Variants in GDF1 observed in about 807,000 individuals in gnomAD.
The protein encoded by GDF1 is embryonic growth/differentiation factor 1.
A neutral mutation model predicts 7.4 loss-of-function variants in GDF1; 8 were observed. The ratio of observed to expected loss-of-function variants is 1.09; its 90% CI spans 0.64 to 1.96. GDF1 has a LOEUF of 1.96. Ranked by LOEUF, GDF1 falls within the 30% of genes most tolerant of loss-of-function variation. GDF1 has a pLI of 0.00. For synonymous variants in GDF1, 311 were observed against 276.7 expected (o/e 1.12, Z -1.23); for missense variants, 574 against 551.5 (o/e 1.04, Z -0.41).
intron 2 of GDF1, among the ~76,000 whole-genome samples, chr19:18,889,778 T>TGCCACCCCTGCCTTGTC (rs1367166844): frequency 6.6e-6 from 1 of 152,078 alleles, no homozygotes; most frequent in Non-Finnish European, 1.5e-5. Flanking sequence ...GGACACTCAA[T>TGCCACCCCTGCCTTGTC]GCCACCCCTG....
chr19:18,871,291 A>G (rs1458085071), intron 6 of GDF1, among the ~76,000 whole-genome samples: 2 of 147,802 alleles, frequency 1.4e-5, no homozygotes, highest in East Asian at 4.0e-4. Context: ...TGGTGGCACA[A>G]TCTCAGCTCA....
At chr19:18,890,995 G>A (rs574111665) in intron 2 of GDF1, among the ~76,000 whole-genome samples, 1 of 151,866 alleles carries the variant, frequency 6.6e-6, no homozygotes, top group Non-Finnish European at 1.5e-5. Flanking sequence ...GTGGTGGCGC[G>A]TGCCTATAAT....
In GDF1 at chr19:18,870,706, A is replaced by C. The variant is rs2145990692; in HGVS notation, c.-312-87T>G. On this transcript the variant is annotated intron_variant, in intron 6 of 7. Coordinates refer to ENST00000247005, the MANE Select transcript of GDF1 (RefSeq NM_001492.6). The surrounding 1 kb of genome is among the most constrained non-coding windows in gnomAD (Gnocchi z 5.1). ...CCCGCTTCTTCTCTGGCCGTTTCAC[A>C]CCCCCTGGCTCCTTTTACCCGGCCA... is the stretch of plus-strand genomic sequence containing the variant. 1 of 480,100 alleles carries C rather than the reference A, an allele frequency of 2.1e-6. No homozygotes were observed. The highest frequency in any genetic ancestry group is 4.3e-5 in the South Asian group (1 of 23,014). The allele number at this position is 480,100 out of a possible 1,614,324, so 29.7% of individuals were successfully genotyped here.
chr19:18,885,686 ATTT>A (rs920494581), intron 2 of GDF1, among the ~76,000 whole-genome samples: 12 of 141,404 alleles, frequency 8.5e-5, no homozygotes, highest in Non-Finnish European at 1.4e-4. Context: ...TGCCTGGCTA[ATTT>A]TTTTTTTTTT....
chr19:18,893,875 C>T (rs1016983681), intron 1 of GDF1, among the ~76,000 whole-genome samples: 2 of 145,966 alleles, frequency 1.4e-5, no homozygotes, highest in South Asian at 2.2e-4. Context: ...ATGAGGGAGA[C>T]GGATGGATGC....
Position 18,869,055 on chromosome 19 carries a change from G to A in GDF1, c.661C>T (p.Pro221Ser). Residue 221 changes from proline to serine, a missense_variant, in exon 8 of 8, where the codon CCC (proline) becomes TCC (serine). Coordinates refer to ENST00000247005, the MANE Select transcript of GDF1 (RefSeq NM_001492.6). ...RSLRLALALR[P>S]RAPAACARLA... ...CGCGCGCAGGCGGCAGGGGCCCGGG[G>A]GCGTAGCGCCAGCGCCAGGCGGAGG... 2.8e-6 allele frequency: 3 copies of A among 1,063,074 alleles called. No individual in the cohort carries two copies. Among genetic ancestry groups the A allele is most frequent in the Non-Finnish European group, 3.4e-6 (3 of 881,046 alleles). 65.9% of individuals were successfully genotyped at this position (1,063,074 alleles called of 1,614,324 possible). A position where few individuals can be genotyped will look rare whatever the true frequency, so the allele number is the denominator to read the frequency against.
Position 18,895,826 on chromosome 19 carries a change from G to A in GDF1, c.-1076C>T. ...TCCCGGCCCCCGGCCACACTGACCC[G>A]AAAGAGGCGCGCAGTGGCCGCGGAG... is the stretch of plus-strand genomic sequence containing the variant. On this transcript the variant is annotated splice_region_variant and 5_prime_UTR_variant, in exon 1 of 8. Coordinates refer to ENST00000247005, the MANE Select transcript of GDF1 (RefSeq NM_001492.6). This position sits in a 1 kb window ranked among gnomAD's most constrained non-coding sequence, Gnocchi z 6.4. 6 of 1,286,420 alleles carry A rather than the reference G, an allele frequency of 4.7e-6. No homozygotes were observed. The highest frequency in any genetic ancestry group is 1.6e-5 in the African/African-American group (1 of 62,910). The allele number at this position is 1,286,420 out of a possible 1,614,324, so 79.7% of individuals were successfully genotyped here. A position where few individuals can be genotyped will look rare whatever the true frequency, so the allele number is the denominator to read the frequency against.
chr19:18,886,197 G>C (rs1440433609), intron 2 of GDF1, among the ~76,000 whole-genome samples: 3 of 150,810 alleles, frequency 2.0e-5, no homozygotes, highest in Admixed American at 2.0e-4. Context: ...CTTGAGTCCA[G>C]GAGTTCGAGA....
chr19:18,887,315 G>T (rs1311621057), intron 2 of GDF1, among the ~76,000 whole-genome samples: 1 of 152,242 alleles, frequency 6.6e-6, no homozygotes, highest in African/African-American at 2.4e-5. Context: ...AATCTACAGA[G>T]ATAGGAAGTA....
In GDF1 at chr19:18,879,013, CA is replaced by C; in HGVS notation, c.-397del. On this transcript the variant is annotated 5_prime_UTR_variant, in exon 6 of 8. The change creates a premature stop within an existing upstream ORF in the 5' untranslated region. Coordinates refer to ENST00000247005, the MANE Select transcript of GDF1 (RefSeq NM_001492.6). Reference sequence around the variant, plus strand: ...TCAGCTCGTGCACCTGGCCTGTCAACACCTTGGCTGCAAACGCCACGATGTA... The same window carrying C: ...TCAGCTCGTGCACCTGGCCTGTCAACCCTTGGCTGCAAACGCCACGATGTA... The C allele has an allele frequency of 6.2e-7, 1 of 1,613,762 alleles. No homozygotes were observed. The highest frequency in any genetic ancestry group is 8.5e-7 in the Non-Finnish European group (1 of 1,179,854).
At chr19:18,882,827 G>C (rs1327814044) in intron 3 of GDF1, among the ~76,000 whole-genome samples, 1 of 151,744 alleles carries the variant, frequency 6.6e-6, no homozygotes, top group African/African-American at 2.4e-5. Flanking sequence ...TGAGTAGCTG[G>C]GACTACAGGC....
Position 18,895,922 on chromosome 19 carries a change from C to T in GDF1, c.-1172G>A. On this transcript the variant is annotated 5_prime_UTR_variant, in exon 1 of 8. Coordinates refer to ENST00000247005, the MANE Select transcript of GDF1 (RefSeq NM_001492.6). The surrounding 1 kb of genome is among the most constrained non-coding windows in gnomAD (Gnocchi z 6.4). ...TCGGGCGGCGCCAGGTGCGCGTGCTCAGCCAGGCCGCGACGCGCCAGCCCC... is the reference window on the plus strand; with the variant it reads ...TCGGGCGGCGCCAGGTGCGCGTGCTTAGCCAGGCCGCGACGCGCCAGCCCC... The T allele has an allele frequency of 8.1e-7, 1 of 1,227,720 alleles. No individual in the cohort carries two copies. The highest frequency in any genetic ancestry group is 4.3e-5 in the Admixed American group (1 of 23,468). The allele number at this position is 1,227,720 out of a possible 1,614,324, so 76.1% of individuals were successfully genotyped here. A position where few individuals can be genotyped will look rare whatever the true frequency, so the allele number is the denominator to read the frequency against.
At chr19:18,875,535 ACT>A (rs1205598092) in intron 6 of GDF1, among the ~76,000 whole-genome samples, 1 of 150,768 alleles carries the variant, frequency 6.6e-6, no homozygotes, top group East Asian at 1.9e-4. Flanking sequence ...AGAGCGAGAC[ACT>A]GTCTCAAAAA....
At chr19:18,869,511 G>A (rs1369077976) in intron 7 of GDF1, 121 bp from the exon 8 acceptor site, 2 of 1,318,406 alleles carry the variant, frequency 1.5e-6, no homozygotes, top group Non-Finnish European at 2.0e-6. Context: ...TGTGGGAAGG[G>A]TGTGAAGCGG....
rs1006919387 is a variant in GDF1 at position 18,878,522 on chromosome 19, G to A, written c.-313+408C>T. On this transcript the variant is annotated intron_variant, in intron 6 of 7. Coordinates refer to ENST00000247005, the MANE Select transcript of GDF1 (RefSeq NM_001492.6). The surrounding 1 kb of genome is among the most constrained non-coding windows in gnomAD (Gnocchi z 4.6). ...CTGGGTTCTCTCTGTGGCCCTTGGC[G>A]TTCCTTCCTCCCCAGCCCCACTGCC... The A allele has an allele frequency of 1.8e-5, 18 of 1,015,444 alleles. No individual in the cohort carries two copies. Among genetic ancestry groups the A allele is most frequent in the South Asian group, 7.8e-5 (2 of 25,792 alleles). 62.9% of individuals were successfully genotyped at this position (1,015,444 alleles called of 1,614,324 possible).
chr19:18,881,311 C>T (rs187226772), intron 3 of GDF1, among the ~76,000 whole-genome samples: 21 of 152,028 alleles, frequency 1.4e-4, no homozygotes, highest in East Asian at 9.7e-4. Context: ...CCTCCACCTC[C>T]CGGGTTCAAG....
At chr19:18,873,709 T>C (rs755835136) in intron 6 of GDF1, among the ~76,000 whole-genome samples, 10 of 150,912 alleles carry the variant, frequency 6.6e-5, no homozygotes, top group Non-Finnish European at 1.3e-4. Flanking sequence ...AGGTGTGGTG[T>C]ACACGCCTGT....
chr19:18,878,264 AGTTTG>A lies in GDF1; in HGVS notation c.-313+661_-313+665del. On this transcript the variant is annotated intron_variant, in intron 6 of 7. Transcript: ENST00000247005. This position sits in a 1 kb window ranked among gnomAD's most constrained non-coding sequence, Gnocchi z 4.6. Reference sequence around the variant, plus strand: ...GCACACCCGACTCTGCTTGTTACCCAGTTTGGCCTCCGTTCATCCCTGGCCCAGAC... The same window carrying A: ...GCACACCCGACTCTGCTTGTTACCCAGCCTCCGTTCATCCCTGGCCCAGAC... The A allele has an allele frequency of 2.0e-6, 2 of 985,472 alleles. No homozygotes were observed. The highest frequency in any genetic ancestry group is 2.4e-6 in the Non-Finnish European group (2 of 830,210). 61.0% of individuals were successfully genotyped at this position (985,472 alleles called of 1,614,324 possible).
At chr19:18,892,657 T>C (rs1378374076) in intron 2 of GDF1, among the ~76,000 whole-genome samples, 1 of 152,088 alleles carries the variant, frequency 6.6e-6, no homozygotes, top group Admixed American at 6.6e-5. Context: ...CTCAAGCTGC[T>C]GCCTCAGCTC....
Sources: gnomAD v4.1 joint callset for allele counts (sites outside exome capture counted in the v4.1 genomes callset) on GRCh38, gnomAD v4.1.1 for gene constraint, Gnocchi (gnomAD v3.1) non-coding constraint, MANE v1.5 for transcripts, NCBI Gene and HGNC (gene_info 2026-07-23, HGNC 2026-07-21) for gene names.